Variants in TRAK1 observed in about 807,000 individuals in gnomAD.
The protein encoded by TRAK1 is trafficking kinesin protein 1.
Under a neutral mutation model 92.1 loss-of-function variants are expected in TRAK1, and 33 were observed. The observed-to-expected ratio is 0.36, with a 90% CI of 0.27 to 0.48. The LOEUF (loss-of-function observed/expected upper bound fraction) is 0.48, where lower values mean the gene tolerates loss of function less well. TRAK1 is among the 20% of genes least tolerant of loss of function. The pLI, the probability that TRAK1 is intolerant of heterozygous loss-of-function variation, is 0.99. For missense variants in TRAK1, 1,123 were observed against 1,257.9 expected, an observed-to-expected ratio of 0.89 and a Z score of 1.62; for synonymous variants, 521 against 517.3, an observed-to-expected ratio of 1.01 and a Z score of -0.10.
intron 15 of TRAK1, chr3:42,221,857 G>A (rs2149550228): frequency 6.6e-6 from 1 of 152,296 alleles, no homozygotes; most frequent in South Asian, 2.1e-4. Flanking sequence ...CACAGTGGCA[G>A]TATCATAGCC....
chr3:42,159,229 C>A (rs1456284123), intron 2 of TRAK1, among the ~76,000 whole-genome samples: 2 of 152,080 alleles, frequency 1.3e-5, no homozygotes, highest in African/African-American at 4.8e-5. Context: ...AAGACCTTGC[C>A]CCTGCTAAAA....
chr3:42,178,392 A>G (rs551073903), intron 3 of TRAK1, among the ~76,000 whole-genome samples: 2 of 152,096 alleles, frequency 1.3e-5, no homozygotes, highest in Admixed American at 1.3e-4. Context: ...CTTCACTGTC[A>G]CTGGGGACAT....
At chr3:42,055,073 T>A (rs1337666358) in intron 1 of TRAK1, among the ~76,000 whole-genome samples, 1 of 151,932 alleles carries the variant, frequency 6.6e-6, no homozygotes, top group African/African-American at 2.4e-5. Context: ...GCATGTGCCA[T>A]CATACCCAGC....
At chr3:42,092,729 T>TTATGA (rs1559754323) in intron 1 of TRAK1, among the ~76,000 whole-genome samples, 29 of 138,942 alleles carry the variant, frequency 2.1e-4, no homozygotes, top group African/African-American at 7.9e-4. Context: ...TTATGTTATG[T>TTATGA]TATGTTATGT....
intron 10 of TRAK1, among the ~76,000 whole-genome samples, chr3:42,198,630 G>T (rs35916887): frequency 0.1 from 15,888 of 152,092 alleles, 940 homozygotes; most frequent in Non-Finnish European, 0.13. Flanking sequence ...CCCTTTGGAG[G>T]TGGGAAAGGC....
At chr3:42,037,013 G>A (rs78875038) in intron 1 of TRAK1, among the ~76,000 whole-genome samples, 2,543 of 151,666 alleles carry the variant, frequency 0.017, 25 homozygotes, top group Non-Finnish European at 0.027. Flanking sequence ...ATTTTTTGTA[G>A]AGACAAATCT....
chr3:42,155,098 G>A (rs976357087), intron 2 of TRAK1, among the ~76,000 whole-genome samples: 9 of 152,058 alleles, frequency 5.9e-5, no homozygotes, highest in Admixed American at 2.0e-4. Flanking sequence ...CAATCACAAA[G>A]AAATAAGAGT....
chr3:42,189,455 C>G (rs1705358842), intron 6 of TRAK1, among the ~76,000 whole-genome samples: 1 of 152,240 alleles, frequency 6.6e-6, no homozygotes, highest in Non-Finnish European at 1.5e-5. Context: ...AGAAACCCAG[C>G]CTTGTTTTCA....
At chr3:42,095,859 G>C (rs946186511) in intron 1 of TRAK1, among the ~76,000 whole-genome samples, 24 of 152,318 alleles carry the variant, frequency 1.6e-4, no homozygotes, top group African/African-American at 5.8e-4. Context: ...CTGGGAGGTG[G>C]TTAGGTCACA....
At chr3:42,109,655 A>G (rs1276768712) in intron 1 of TRAK1, among the ~76,000 whole-genome samples, 2 of 152,172 alleles carry the variant, frequency 1.3e-5, no homozygotes, top group Admixed American at 6.5e-5. Flanking sequence ...ATGCACACGT[A>G]TGTTTATTGT....
chr3:42,013,174 C>T (rs1701373351), upstream of TRAK1, among the ~76,000 whole-genome samples: 1 of 152,200 alleles, frequency 6.6e-6, no homozygotes, highest in Non-Finnish European at 1.5e-5. The surrounding 1 kb of genome is among the most constrained non-coding windows in gnomAD (Gnocchi z 5.1). Context: ...GTTCCATCCC[C>T]TCCAGCCTTC....
chr3:42,083,181 A>G (rs1005994026), upstream of TRAK1, among the ~76,000 whole-genome samples: 4 of 152,096 alleles, frequency 2.6e-5, no homozygotes, highest in Non-Finnish European at 4.4e-5. Flanking sequence ...TATTTTTTAA[A>G]TCTTTGTTGT....
chr3:42,209,098 C>T (rs1473411826), intron 13 of TRAK1, among the ~76,000 whole-genome samples: 1 of 152,200 alleles, frequency 6.6e-6, no homozygotes, highest in Non-Finnish European at 1.5e-5. Flanking sequence ...CTTTAGACCT[C>T]TGTGTGGACT....
intron 1 of TRAK1, among the ~76,000 whole-genome samples, chr3:42,066,303 G>A (rs1484357186): frequency 1.3e-5 from 2 of 152,164 alleles, no homozygotes; most frequent in African/African-American, 4.8e-5. Context: ...TCCAGCCTAG[G>A]CAATAGAGTG....
At chr3:42,143,308 C>CTTTTTTTTTTTTTTTT (rs369435084) in intron 2 of TRAK1, among the ~76,000 whole-genome samples, 3 of 139,262 alleles carry the variant, frequency 2.2e-5, no homozygotes, top group Non-Finnish European at 4.6e-5. Flanking sequence ...TGTACCTCTT[C>CTTTTTTTTTTTTTTTT]TTTTTTTTTT....
intron 10 of TRAK1, among the ~76,000 whole-genome samples, chr3:42,196,971 CTCTCTT>C (rs145044818): frequency 8.1e-4 from 104 of 128,650 alleles, no homozygotes; most frequent in Middle Eastern, 3.8e-3. Context: ...CTCTCTCTCT[CTCTCTT>C]TCTCTTTCTC....
intron 3 of TRAK1, among the ~76,000 whole-genome samples, chr3:42,183,772 T>C (rs769842930): frequency 2.0e-5 from 3 of 152,174 alleles, no homozygotes; most frequent in Non-Finnish European, 2.9e-5. Context: ...TCTAAAATGA[T>C]TTAATTTTTC....
At chr3:42,162,197 C>T (rs554581383) in intron 2 of TRAK1, among the ~76,000 whole-genome samples, 2 of 152,146 alleles carry the variant, frequency 1.3e-5, no homozygotes, top group South Asian at 4.2e-4. Context: ...TATTCTGGAG[C>T]AGTATCATAT....
chr3:42,210,283 T>G, intron 14 of TRAK1: 1 of 1,516,998 alleles, frequency 6.6e-7, no homozygotes, highest in Non-Finnish European at 8.8e-7. Flanking sequence ...CATTGCACAG[T>G]TCTGTTTTTA....
Sources: gnomAD v4.1 joint callset for allele counts (sites outside exome capture counted in the v4.1 genomes callset) on GRCh38, gnomAD v4.1.1 for gene constraint, Gnocchi (gnomAD v3.1) non-coding constraint, MANE v1.5 for transcripts, NCBI Gene and HGNC (gene_info 2026-07-23, HGNC 2026-07-21) for gene names.